Variants in TOP1 observed in about 807,000 individuals in gnomAD.
TOP1 encodes DNA topoisomerase I, also known as DNA topoisomerase 1.
TOP1 carries 10 observed loss-of-function variants against 111.1 expected under a neutral mutation model. The ratio of observed to expected loss-of-function variants is 0.09; its 90% CI spans 0.06 to 0.15. The LOEUF (loss-of-function observed/expected upper bound fraction) is 0.15. TOP1 is among the 10% of genes least tolerant of loss of function. The pLI is 1.00. For synonymous variants in TOP1, 271 were observed against 302.9 expected (o/e 0.89, Z 1.10); for missense variants, 474 against 926.7 (o/e 0.51, Z 6.34).
At chr20:41,068,496 G>A (rs1399464968) in intron 3 of TOP1, among the ~76,000 whole-genome samples, 2 of 152,044 alleles carry the variant, frequency 1.3e-5, no homozygotes, top group Non-Finnish European at 2.9e-5. Flanking sequence ...GCCTCCCTGG[G>A]CCCAAGGGGT....
chr20:41,066,600 G>C (rs1745404827), intron 3 of TOP1, among the ~76,000 whole-genome samples: 1 of 146,394 alleles, frequency 6.8e-6, no homozygotes, highest in African/African-American at 2.6e-5. Flanking sequence ...TGTCGCCCAG[G>C]CTGGAGTGCA....
chr20:41,029,682 G>A lies in TOP1; in HGVS notation c.58+227G>A. 1 of 610,340 alleles carries A rather than the reference G, an allele frequency of 1.6e-6. No individual in the cohort carries two copies. Among genetic ancestry groups the A allele is most frequent in the Non-Finnish European group, 3.0e-6 (1 of 334,410 alleles). The allele number at this position is 610,340 out of a possible 1,614,324, so 37.8% of individuals were successfully genotyped here. On this transcript the variant is annotated intron_variant, in intron 2 of 20. Transcript: ENST00000361337. This position sits in a 1 kb window ranked among gnomAD's most constrained non-coding sequence, Gnocchi z 6.1. ...CAAGAGGGGACAACGGAGACCCCGT[G>A]TCGTCCGCCACCGGGCCTCGGGCGG... is the stretch of plus-strand genomic sequence containing the variant.
chr20:41,054,264 A>T (rs1475732435), intron 2 of TOP1, among the ~76,000 whole-genome samples: 1 of 152,060 alleles, frequency 6.6e-6, no homozygotes, highest in Non-Finnish European at 1.5e-5. Context: ...GTGAGTTCTC[A>T]TGAGGTCCGA....
intron 2 of TOP1, among the ~76,000 whole-genome samples, chr20:41,040,698 C>T (rs2033252032): frequency 6.7e-6 from 1 of 149,648 alleles, no homozygotes; most frequent in African/African-American, 2.5e-5. Flanking sequence ...CCTAGATACT[C>T]AGGAGGCTGA....
intron 3 of TOP1, 72 bp from the exon 4 acceptor site, chr20:41,076,099 T>C (rs1240652117): frequency 2.0e-6 from 3 of 1,522,076 alleles, no homozygotes; most frequent in Non-Finnish European, 2.7e-6. Context: ...CATGTTATCT[T>C]AGGATATCTT....
At chr20:41,065,576 T>G (rs2033597237) in intron 3 of TOP1, among the ~76,000 whole-genome samples, 1 of 152,234 alleles carries the variant, frequency 6.6e-6, no homozygotes, top group African/African-American at 2.4e-5. Flanking sequence ...CTTTCTACTT[T>G]GTCTTTTTTT....
chr20:41,087,816 G>T (rs1369736893), intron 8 of TOP1, among the ~76,000 whole-genome samples: 1 of 152,166 alleles, frequency 6.6e-6, no homozygotes, highest in African/African-American at 2.4e-5. Flanking sequence ...TATATTTCTA[G>T]CACTTTTCCA....
At chr20:41,070,385 A>G (rs2033656530) in intron 3 of TOP1, among the ~76,000 whole-genome samples, 1 of 152,164 alleles carries the variant, frequency 6.6e-6, no homozygotes, top group African/African-American at 2.4e-5. Context: ...TCTATAATAT[A>G]AAACGCCGGA....
Position 41,080,394 on chromosome 20 carries a change from AT to A in TOP1, c.431+219del, listed in dbSNP as rs1032990492. Among the ~76,000 whole-genome samples the A allele has an allele frequency of 6.6e-6, 1 of 152,190 alleles. No homozygotes were observed. The highest frequency in any genetic ancestry group is 1.5e-5 in the Non-Finnish European group (1 of 68,020). On this transcript the variant is annotated intron_variant, in intron 6 of 20. Coordinates refer to ENST00000361337, the MANE Select transcript of TOP1 (RefSeq NM_003286.4). The surrounding 1 kb of genome is among the most constrained non-coding windows in gnomAD (Gnocchi z 5.0). Reference sequence around the variant, plus strand: ...CAAGGCTTACATGAAGATTATATAAATTTTTATTACTGAAAAGGCAATAGAT... The same window carrying A: ...CAAGGCTTACATGAAGATTATATAAATTTTATTACTGAAAAGGCAATAGAT...
rs2034061787 is a variant in TOP1 at position 41,101,380 on chromosome 20, G to A, written c.1308+27G>A. 2 of 1,601,642 alleles carry A rather than the reference G, an allele frequency of 1.2e-6. No homozygotes were observed. The highest frequency in any genetic ancestry group is 1.7e-6 in the Non-Finnish European group (2 of 1,170,696). ...TAAGGGGATAGTTGAGAGCTGCACT[G>A]GTTCATGGTGCTGATAACCTTTTTT... On this transcript the variant is annotated intron_variant, in intron 13 of 20. Transcript: ENST00000361337. The surrounding 1 kb of genome is among the most constrained non-coding windows in gnomAD (Gnocchi z 4.1).
At chr20:41,090,436 C>T (rs923743815) in intron 8 of TOP1, among the ~76,000 whole-genome samples, 3 of 152,144 alleles carry the variant, frequency 2.0e-5, no homozygotes, top group Non-Finnish European at 4.4e-5. Flanking sequence ...TTCTCCTATT[C>T]TGTGAGTTGT....
rs6102265 is a variant in TOP1 at position 41,075,881 on chromosome 20, T to C, written c.156-290T>C. ...AAGTTGGAGCTTTCATTATTGTTTTTGTGCTGGTAGAATGTTGCAGAAATA... is the reference window on the plus strand; with the variant it reads ...AAGTTGGAGCTTTCATTATTGTTTTCGTGCTGGTAGAATGTTGCAGAAATA... On this transcript the variant is annotated intron_variant, in intron 3 of 20. Coordinates refer to ENST00000361337, the MANE Select transcript of TOP1 (RefSeq NM_003286.4). Among the ~76,000 whole-genome samples the C allele has an allele frequency of 4.6e-3, 707 of 152,342 alleles. 8 individuals are homozygous for C. The highest frequency in any genetic ancestry group is 0.015 in the African/African-American group (644 of 41,568).
At chr20:41,050,493 T>C (rs1329412812) in intron 2 of TOP1, among the ~76,000 whole-genome samples, 1 of 152,234 alleles carries the variant, frequency 6.6e-6, no homozygotes, top group Non-Finnish European at 1.5e-5. Context: ...TGAGAATTGC[T>C]GTAAAGTAGT....
chr20:41,090,847 A>G (rs749236608), intron 8 of TOP1, among the ~76,000 whole-genome samples: 4 of 152,182 alleles, frequency 2.6e-5, no homozygotes, highest in Admixed American at 6.5e-5. Context: ...TTTACGTGTC[A>G]TATCCAATAA....
chr20:41,031,923 A>C (rs1475808918), intron 2 of TOP1, among the ~76,000 whole-genome samples: 2 of 152,252 alleles, frequency 1.3e-5, no homozygotes, highest in African/African-American at 4.8e-5. Flanking sequence ...GCCACCATAA[A>C]GTTCTGACAT....
chr20:41,041,529 A>C (rs191054217), intron 2 of TOP1, among the ~76,000 whole-genome samples: 1 of 152,156 alleles, frequency 6.6e-6, no homozygotes, highest in East Asian at 1.9e-4. Context: ...TGTGAAGTGC[A>C]AACTCCTTTC....
At position 41,030,538 on chromosome 20, in the gene TOP1, T is replaced by G. The variant is rs2033106639; in HGVS notation, c.58+1083T>G. Among the ~76,000 whole-genome samples, 2 of 152,130 alleles carry G rather than the reference T, an allele frequency of 1.3e-5. No homozygotes were observed. ...CTTTTCAGCCAAATCAAGGCATTTA[T>G]TCTTACTGTATTTCCACTTCAGTTA... On this transcript the variant is annotated intron_variant, in intron 2 of 20. Coordinates refer to ENST00000361337, the MANE Select transcript of TOP1 (RefSeq NM_003286.4). This position sits in a 1 kb window ranked among gnomAD's most constrained non-coding sequence, Gnocchi z 4.1.
At chr20:41,104,517 C>T (rs1017661020) in intron 13 of TOP1, among the ~76,000 whole-genome samples, 3 of 152,162 alleles carry the variant, frequency 2.0e-5, no homozygotes, top group African/African-American at 7.2e-5. Context: ...GTTAGATAGA[C>T]CAGGTGAAAT....
Position 41,069,896 on chromosome 20 carries a change from A to G in TOP1, c.156-6275A>G, listed in dbSNP as rs1156888968. On this transcript the variant is annotated intron_variant, in intron 3 of 20. Transcript: ENST00000361337. The surrounding 1 kb of genome is among the most constrained non-coding windows in gnomAD (Gnocchi z 4.1). ...CTAACGGAAAGTAATGGTTAGAAAG[A>G]AAAACATAAGCAAAACATAGAGGCA... Among the ~76,000 whole-genome samples the G allele has an allele frequency of 6.6e-6, 1 of 152,240 alleles. No homozygotes were observed. Among genetic ancestry groups the G allele is most frequent in the Admixed American group, 6.5e-5 (1 of 15,286 alleles).
Sources: gnomAD v4.1 joint callset for allele counts (sites outside exome capture counted in the v4.1 genomes callset) on GRCh38, gnomAD v4.1.1 for gene constraint, Gnocchi (gnomAD v3.1) non-coding constraint, MANE v1.5 for transcripts, NCBI Gene and HGNC (gene_info 2026-07-23, HGNC 2026-07-21) for gene names.